Variants in CAMTA1 observed in about 807,000 individuals in gnomAD.
CAMTA1 encodes calmodulin binding transcription activator 1.
In CAMTA1, 27 loss-of-function variants were observed where a neutral mutation model predicts 170.9. That is an observed-to-expected ratio of 0.16 (90% CI 0.12 to 0.22). The LOEUF is 0.22. Among genes scored for constraint, CAMTA1 ranks in the 10% least tolerant of loss-of-function variants. The probability of loss-of-function intolerance (pLI) is 1.00; values close to 1 mark genes in which losing one functional copy is unlikely to be tolerated. For synonymous variants in CAMTA1, 833 were observed against 891.5 expected, an observed-to-expected ratio of 0.93 and a Z score of 1.17; for missense variants, 1,619 against 2,217.2, an observed-to-expected ratio of 0.73 and a Z score of 5.42.
chr1:6,989,870 G>A (rs1265594995), intron 3 of CAMTA1, among the ~76,000 whole-genome samples: 2 of 149,950 alleles, frequency 1.3e-5, no homozygotes, highest in Admixed American at 6.6e-5. Flanking sequence ...TACTGACCTT[G>A]GGGGGTGAGT....
At chr1:7,472,616 A>G (rs967694895) in intron 6 of CAMTA1, among the ~76,000 whole-genome samples, 2 of 152,200 alleles carry the variant, frequency 1.3e-5, no homozygotes, top group African/African-American at 4.8e-5. Context: ...ACCTTGTAGC[A>G]GATCACGGAA....
chr1:7,488,349 T>G (rs2093646060), intron 6 of CAMTA1, among the ~76,000 whole-genome samples: 1 of 152,064 alleles, frequency 6.6e-6, no homozygotes, highest in Non-Finnish European at 1.5e-5. Context: ...GACCCTGGTG[T>G]CTGGCACCCC....
At chr1:7,059,316 A>G (rs1180924970) in intron 3 of CAMTA1, among the ~76,000 whole-genome samples, 1 of 152,172 alleles carries the variant, frequency 6.6e-6, no homozygotes, top group African/African-American at 2.4e-5. Flanking sequence ...TGGGGAAGTT[A>G]GAGGAGTTTA....
intron 3 of CAMTA1, among the ~76,000 whole-genome samples, chr1:6,957,260 A>T (rs1010597158): frequency 2.0e-5 from 3 of 152,090 alleles, no homozygotes; most frequent in African/African-American, 7.2e-5. Flanking sequence ...TGATGCTGAC[A>T]CTGGGGGCCC....
chr1:7,320,135 G>C (rs1306900344), intron 5 of CAMTA1, among the ~76,000 whole-genome samples: 1 of 152,120 alleles, frequency 6.6e-6, no homozygotes, highest in East Asian at 1.9e-4. Flanking sequence ...CTCCCACCCA[G>C]TATCAAGTAG....
intron 3 of CAMTA1, among the ~76,000 whole-genome samples, chr1:6,995,060 C>G (rs982559231): frequency 1.2e-4 from 18 of 152,082 alleles, no homozygotes; most frequent in African/African-American, 3.9e-4. Flanking sequence ...GCCATATTCT[C>G]ATTGTCTTCT....
chr1:7,205,433 C>A (rs1241659879), intron 4 of CAMTA1, among the ~76,000 whole-genome samples: 1 of 152,168 alleles, frequency 6.6e-6, no homozygotes, highest in Non-Finnish European at 1.5e-5. Context: ...GGTCTACCTT[C>A]ATCTTCATAT....
At chr1:6,801,161 T>A (rs536443337) in intron 1 of CAMTA1, among the ~76,000 whole-genome samples, 1 of 152,370 alleles carries the variant, frequency 6.6e-6, no homozygotes, top group Non-Finnish European at 1.5e-5. Flanking sequence ...CCCAGAGATT[T>A]CTTCCAGGCA....
intron 4 of CAMTA1, 76 bp downstream of exon 4, chr1:7,091,447 C>A: frequency 8.7e-7 from 1 of 1,149,692 alleles, no homozygotes. Context: ...CTGATTTGGC[C>A]AGTGAATTCA....
chr1:6,868,427 G>A lies in CAMTA1; in HGVS notation c.234+43217G>A, dbSNP rs534634267. On this transcript the variant is annotated intron_variant, in intron 3 of 22. Transcript: ENST00000303635. ...GGGTTTCTTCAGCTGTCTCCTTTTAGCTTCTATGACTCTGCATTTTCTTGG... is the reference window on the plus strand; with the variant it reads ...GGGTTTCTTCAGCTGTCTCCTTTTAACTTCTATGACTCTGCATTTTCTTGG... Among the ~76,000 whole-genome samples the A allele has an allele frequency of 2.6e-5, 4 of 151,726 alleles. No homozygotes were observed. In the East Asian group the frequency reaches 5.8e-4, roughly 22 times the overall value.
In CAMTA1 at chr1:7,103,434, A is replaced by ACAC. The variant is rs140146150; in HGVS notation, c.302+12064_302+12065insACC. On this transcript the variant is annotated intron_variant, in intron 4 of 22. Coordinates refer to ENST00000303635, the MANE Select transcript of CAMTA1 (RefSeq NM_015215.4). ...ACACACAGCACACACACCTACACACACTACACACATGCACACACAACTACA... is the reference window on the plus strand; with the variant it reads ...ACACACAGCACACACACCTACACACACACCTACACACATGCACACACAACTACA... 8.2e-4 allele frequency among the ~76,000 whole-genome samples: 3 copies of ACAC among 3,658 alleles called. No homozygotes were observed. In the African/African-American group the frequency reaches 9.6e-3, roughly 12 times the overall value. 2.4% of individuals were successfully genotyped at this position (3,658 alleles called of 152,430 possible). A position where few individuals can be genotyped will look rare whatever the true frequency, so the allele number is the denominator to read the frequency against.
At position 7,242,771 on chromosome 1, in the gene CAMTA1, A is replaced by AAAT. The variant is rs1553285049; in HGVS notation, c.303-6718_303-6717insTAA. 2.9e-3 allele frequency among the ~76,000 whole-genome samples: 419 copies of AAAT among 145,560 alleles called. 1 individual carries two copies. The highest frequency in any genetic ancestry group is 0.01 in the African/African-American group (404 of 38,844). ...GTGAAACCCCGTCTCTACTGAAAAT[A>AAAT]AAATAAATAAATAAATAAATAAATA... is the stretch of plus-strand genomic sequence containing the variant. On this transcript the variant is annotated intron_variant, in intron 4 of 22. Transcript: ENST00000303635.
intron 6 of CAMTA1, among the ~76,000 whole-genome samples, chr1:7,471,453 C>G (rs932320592): frequency 6.6e-6 from 1 of 152,242 alleles, no homozygotes; most frequent in Non-Finnish European, 1.5e-5. Context: ...AGAGCCATGA[C>G]CTGGAAGAGG....
intron 5 of CAMTA1, among the ~76,000 whole-genome samples, chr1:7,270,244 TACAC>T (rs57280188): frequency 1.6e-3 from 200 of 127,196 alleles, no homozygotes; most frequent in African/African-American, 4.7e-3. Flanking sequence ...CATATATACA[TACAC>T]ACACACACAC....
chr1:7,735,225 C>T lies in CAMTA1; in HGVS notation c.3067-1119C>T, dbSNP rs143881909. ...TTCAGAAGAAGCAAGAGGCTGGGCGCGGTGGCTCATGCCAGGAACCTAGCA... is the reference window on the plus strand; with the variant it reads ...TTCAGAAGAAGCAAGAGGCTGGGCGTGGTGGCTCATGCCAGGAACCTAGCA... On this transcript the variant is annotated intron_variant, in intron 12 of 22. Coordinates refer to ENST00000303635, the MANE Select transcript of CAMTA1 (RefSeq NM_015215.4). 2.5e-3 allele frequency among the ~76,000 whole-genome samples: 379 copies of T among 152,228 alleles called. 1 individual carries two copies. The highest frequency in any genetic ancestry group is 8.8e-3 in the African/African-American group (366 of 41,558).
At chr1:7,124,841 T>G (rs879015374) in intron 4 of CAMTA1, among the ~76,000 whole-genome samples, 1 of 152,190 alleles carries the variant, frequency 6.6e-6, no homozygotes, top group Admixed American at 6.5e-5. Context: ...AGTGGTGAAC[T>G]CTTAAAGAAC....
rs76581429 is a variant in CAMTA1 at position 6,874,873 on chromosome 1, C to T, written c.234+49663C>T. The stretch of plus-strand genomic sequence containing the variant: ...GGTGTCTAGGGAGCTTTGAAGGAGT[C>T]AGAAGTGTTGAACTGTTTCAAGGTT... On this transcript the variant is annotated intron_variant, in intron 3 of 22. Coordinates refer to ENST00000303635, the MANE Select transcript of CAMTA1 (RefSeq NM_015215.4). Among the ~76,000 whole-genome samples the T allele has an allele frequency of 4.1e-3, 619 of 152,258 alleles. 24 individuals carry two copies. In the East Asian group the frequency reaches 0.1, roughly 25 times the overall value.
At chr1:7,582,877 A>T (rs1474807527) in intron 6 of CAMTA1, among the ~76,000 whole-genome samples, 1 of 150,222 alleles carries the variant, frequency 6.7e-6, no homozygotes, top group Non-Finnish European at 1.5e-5. Context: ...GCACAATAGC[A>T]GCCTCTCGGT....
rs1426834782 is a variant in CAMTA1, at chr1:7,037,919, T to TA, written c.235-53385_235-53384insA. Among the ~76,000 whole-genome samples the TA allele has an allele frequency of 6.4e-5, 7 of 109,768 alleles. No homozygotes were observed. The East Asian group carries it at 1.6e-3, about 26-fold the overall frequency. 72.0% of individuals were successfully genotyped at this position (109,768 alleles called of 152,430 possible). On this transcript the variant is annotated intron_variant, in intron 3 of 22. Coordinates refer to ENST00000303635, the MANE Select transcript of CAMTA1 (RefSeq NM_015215.4). Reference sequence around the variant, plus strand: ...ATATATATATTGGTTTGATCTTTATTTTTTTTTTTTTTGCCATATTTTAAA... The same window carrying TA: ...ATATATATATTGGTTTGATCTTTATTATTTTTTTTTTTTGCCATATTTTAAA...
Sources: gnomAD v4.1 joint callset for allele counts (sites outside exome capture counted in the v4.1 genomes callset) on GRCh38, gnomAD v4.1.1 for gene constraint, MANE v1.5 for transcripts, NCBI Gene and HGNC (gene_info 2026-07-23, HGNC 2026-07-21) for gene names.